Variants in OR3A2 observed in about 807,000 individuals in gnomAD.
OR3A2 encodes the protein olfactory receptor family 3 subfamily A member 2.
For missense variants in OR3A2, 318 were observed against 392.8 expected, an observed-to-expected ratio of 0.81 and a Z score of 1.61; for synonymous variants, 126 against 159.3, an observed-to-expected ratio of 0.79 and a Z score of 1.57.
chr17:3,377,625 C>T (rs564786145), intron 2 of OR3A2: 2 of 152,424 alleles, frequency 1.3e-5, no homozygotes, highest in South Asian at 4.1e-4. Context: ...GTCTCCTCTA[C>T]CAAGCTGTTC....
intron 2 of OR3A2, among the ~76,000 whole-genome samples, chr17:3,342,218 T>C (rs531499345): frequency 6.6e-6 from 1 of 152,226 alleles, no homozygotes; most frequent in Non-Finnish European, 1.5e-5. Flanking sequence ...AACACCCTCC[T>C]TTAGCTCAGA....
At chr17:3,294,091 C>T (rs1455790548) in intron 3 of OR3A2, among the ~76,000 whole-genome samples, 2 of 151,818 alleles carry the variant, frequency 1.3e-5, no homozygotes, top group Non-Finnish European at 2.9e-5. Flanking sequence ...GCATGTCCTG[C>T]ACATGTACCC....
intron 3 of OR3A2, among the ~76,000 whole-genome samples, chr17:3,306,318 A>AT (rs1555525909): frequency 6.6e-6 from 1 of 151,348 alleles, no homozygotes; most frequent in Non-Finnish European, 1.5e-5. Flanking sequence ...CAGTCAGCTA[A>AT]TTTTTTTTGT....
chr17:3,311,539 C>A lies in OR3A2; in HGVS notation c.-85+24494G>T. 2.3e-6 allele frequency: 1 copy of A among 431,426 alleles called. No homozygotes were observed. The allele number at this position is 431,426 out of a possible 1,614,324, so 26.7% of individuals were successfully genotyped here. On this transcript the variant is annotated intron_variant, in intron 3 of 4. Transcript: ENST00000573491. This position sits in a 1 kb window ranked among gnomAD's most constrained non-coding sequence, Gnocchi z 4.6. Reference sequence around the variant, plus strand: ...GGTCAACCACTTCTACTGTGACCTCCCACCTCTTTTCCAGCTCTCTTGCTC... The same window carrying A: ...GGTCAACCACTTCTACTGTGACCTCACACCTCTTTTCCAGCTCTCTTGCTC...
At position 3,338,762 on chromosome 17, in the gene OR3A2, T is replaced by C. The variant is rs192336185; in HGVS notation, c.-178-2636A>G. On this transcript the variant is annotated intron_variant, in intron 2 of 4. Transcript: ENST00000573491. ...TTCTCTTGGCAATGCAGGCTCTTTTTTGGTTCCATATGAACTTTAAAGTAG... is the reference window on the plus strand; with the variant it reads ...TTCTCTTGGCAATGCAGGCTCTTTTCTGGTTCCATATGAACTTTAAAGTAG... 9.8e-5 allele frequency among the ~76,000 whole-genome samples: 15 copies of C among 152,346 alleles called. No homozygotes were observed. In the East Asian group the frequency reaches 2.9e-3, roughly 29 times the overall value.
At chr17:3,308,350 G>A (rs899530775) in intron 3 of OR3A2, among the ~76,000 whole-genome samples, 12 of 152,048 alleles carry the variant, frequency 7.9e-5, no homozygotes, top group Non-Finnish European at 1.6e-4. Flanking sequence ...CTGGGCCGGC[G>A]GGACTGTCCC....
intron 3 of OR3A2, among the ~76,000 whole-genome samples, chr17:3,300,460 G>C (rs904742817): frequency 6.6e-6 from 1 of 152,178 alleles, no homozygotes; most frequent in Non-Finnish European, 1.5e-5. Context: ...TCGGGAGGCT[G>C]AGGCAGGAGA....
At chr17:3,286,040 T>C (rs889631826), upstream of OR3A2, among the ~76,000 whole-genome samples, 1 of 152,188 alleles carries the variant, frequency 6.6e-6, no homozygotes, top group African/African-American at 2.4e-5. Flanking sequence ...ACATTAGGTA[T>C]TTCTCTTAAT....
At chr17:3,277,833 G>A in exon 2 of OR3A2, 1 of 906,056 alleles carries the variant, frequency 1.1e-6, no homozygotes, top group South Asian at 1.7e-5. Context: ...TTTCCTAGTA[G>A]GACAAATATG....
At chr17:3,284,320 C>G (rs892131804) in intron 1 of OR3A2, 38 bp downstream of exon 3, 1 of 151,956 alleles carries the variant, frequency 6.6e-6, no homozygotes, top group African/African-American at 2.4e-5. Flanking sequence ...CCTTCTCTAT[C>G]TTGCAGGAGC....
chr17:3,278,922 T>C, exon 2 of OR3A2: 1 of 1,531,114 alleles, frequency 6.5e-7, no homozygotes, highest in South Asian at 1.3e-5. Flanking sequence ...CTCCATGAGT[T>C]TCTGTAAGGA....
rs1228247907 is a variant in OR3A2 at position 3,279,101 on chromosome 17, GACA to G, written c.-6-181_-6-179del. 1.1e-5 allele frequency: 12 copies of G among 1,052,096 alleles called. No individual in the cohort carries two copies. In the Admixed American group the frequency reaches 1.7e-4, roughly 15 times the overall value. 65.2% of individuals were successfully genotyped at this position (1,052,096 alleles called of 1,614,324 possible). ...CTTGCTCTTGGTTGACATGCCCAAT[GACA>G]CCACCACCTTGTCCTCCTCATCCTC... On this transcript the variant is annotated intron_variant, in intron 1 of 1. Coordinates refer to ENST00000642052, the Ensembl canonical transcript of OR3A2.
intron 1 of OR3A2, among the ~76,000 whole-genome samples, chr17:3,283,780 G>A (rs148346435): frequency 0.019 from 2,851 of 151,782 alleles, 85 homozygotes; most frequent in African/African-American, 0.064. Context: ...GCCCTTAGGA[G>A]GGGCCACACC....
chr17:3,348,065 G>C (rs1044602458), intron 2 of OR3A2, among the ~76,000 whole-genome samples: 1 of 152,082 alleles, frequency 6.6e-6, no homozygotes, highest in Non-Finnish European at 1.5e-5. Context: ...GTCTGTTCAC[G>C]TCCTTTGCCC....
At chr17:3,321,434 G>A (rs574353288) in intron 3 of OR3A2, among the ~76,000 whole-genome samples, 53 of 151,392 alleles carry the variant, frequency 3.5e-4, no homozygotes, top group Non-Finnish European at 6.2e-4. Context: ...GGAGTGGTGA[G>A]AGAGGGCATC....
chr17:3,296,634 G>A (rs867707550), intron 3 of OR3A2, among the ~76,000 whole-genome samples: 72 of 151,974 alleles, frequency 4.7e-4, no homozygotes, highest in African/African-American at 1.7e-3. Context: ...AGATTAAAAA[G>A]TACTTACAAA....
intron 2 of OR3A2, among the ~76,000 whole-genome samples, chr17:3,373,951 C>T (rs922963132): frequency 3.9e-5 from 6 of 152,050 alleles, no homozygotes; most frequent in African/African-American, 1.4e-4. Flanking sequence ...GTTTTATTAC[C>T]AGATCCAGAA....
intron 3 of OR3A2, among the ~76,000 whole-genome samples, chr17:3,293,167 G>A (rs201811193): frequency 1.5e-5 from 2 of 132,248 alleles, no homozygotes; most frequent in African/African-American, 2.6e-5. Context: ...AAAAAAAAAA[G>A]GGTGGGTAGG....
chr17:3,336,150 C>T (rs958392775), intron 2 of OR3A2, 24 bp from the exon 2 acceptor site: 10 of 152,252 alleles, frequency 6.6e-5, no homozygotes, highest in African/African-American at 2.4e-4. Context: ...GACAGGTCAT[C>T]AGCCCTGCCA....
Sources: gnomAD v4.1 joint callset for allele counts (sites outside exome capture counted in the v4.1 genomes callset) on GRCh38, gnomAD v4.1.1 for gene constraint, Gnocchi (gnomAD v3.1) non-coding constraint, MANE v1.5 for transcripts, NCBI Gene and HGNC (gene_info 2026-07-23, HGNC 2026-07-21) for gene names.